The following SEM1 variants were observed in gnomAD, a reference collection of about 807,000 sequenced individuals.
The protein encoded by SEM1 is SEM1 26S proteasome subunit.
A neutral mutation model predicts 12.7 loss-of-function variants in SEM1; 3 were observed. The ratio of observed to expected loss-of-function variants is 0.24; its 90% CI spans 0.11 to 0.61. The LOEUF (loss-of-function observed/expected upper bound fraction) is 0.61. Among genes scored for constraint, SEM1 ranks in the 20% least tolerant of loss-of-function variants. The pLI is 0.88. For synonymous variants in SEM1, 30 were observed against 27.8 expected (o/e 1.08, Z -0.25); for missense variants, 59 against 81.3 (o/e 0.73, Z 1.06).
intron 2 of SEM1, 92 bp downstream of exon 2, chr7:96,694,706 T>G: frequency 1.3e-6 from 1 of 795,826 alleles, no homozygotes; most frequent in Non-Finnish European, 2.1e-6. Flanking sequence ...AAAGATTAAG[T>G]AGCTTTTAAG....
chr7:96,542,289 T>C (rs192576280), intron 2 of SEM1, among the ~76,000 whole-genome samples: 1 of 152,068 alleles, frequency 6.6e-6, no homozygotes, highest in East Asian at 1.9e-4. Context: ...AGCAGTGTTT[T>C]GTAGTTCTCC....
At position 96,509,981 on chromosome 7, in the gene SEM1, T is replaced by C. The variant is rs528109343; in HGVS notation, c.171-3283A>G. 1.3e-4 allele frequency among the ~76,000 whole-genome samples: 20 copies of C among 152,260 alleles called. No homozygotes were observed. The South Asian group carries it at 4.1e-3, about 32-fold the overall frequency. On this transcript the variant is annotated intron_variant and NMD_transcript_variant, in intron 2 of 3. Coordinates refer to the SEM1 transcript ENST00000466986. ...ATGTTCTGGGGACGGATGGTGGTGA[T>C]GGTTTCACAAAAATGTGATATACTT...
intron 1 of SEM1, among the ~76,000 whole-genome samples, chr7:96,699,708 T>C (rs923007361): frequency 6.6e-6 from 1 of 152,204 alleles, no homozygotes; most frequent in Non-Finnish European, 1.5e-5. Context: ...CTGGAAGTAA[T>C]CTGTTTCTTT....
At chr7:96,593,839 C>G (rs1171153233) in intron 2 of SEM1, among the ~76,000 whole-genome samples, 1 of 151,314 alleles carries the variant, frequency 6.6e-6, no homozygotes, top group Non-Finnish European at 1.5e-5. Context: ...TTCTACTTGC[C>G]CAGAGACAAC....
chr7:96,709,522 G>A (rs1790581468), intron 1 of SEM1, among the ~76,000 whole-genome samples, 166 bp downstream of exon 1: 1 of 152,216 alleles, frequency 6.6e-6, no homozygotes, highest in Middle Eastern at 3.4e-3. Flanking sequence ...CCCCAAACCC[G>A]AATCTGGGGC....
chr7:96,694,717 A>T (rs1790034438), intron 2 of SEM1, 81 bp downstream of exon 2: 1 of 895,352 alleles, frequency 1.1e-6, no homozygotes, highest in African/African-American at 1.7e-5. Flanking sequence ...AGCTTTTAAG[A>T]GGTTAATCAT....
At chr7:96,626,729 T>C (rs1330104955) in intron 2 of SEM1, among the ~76,000 whole-genome samples, 2 of 152,140 alleles carry the variant, frequency 1.3e-5, no homozygotes, top group Admixed American at 1.3e-4. Flanking sequence ...TCATCAGAGA[T>C]ATTGGCCTGT....
At chr7:96,635,049 A>G (rs1217680960) in intron 2 of SEM1, among the ~76,000 whole-genome samples, 1 of 152,124 alleles carries the variant, frequency 6.6e-6, no homozygotes, top group African/African-American at 2.4e-5. Context: ...TCTGGGAAAG[A>G]TGAAAGTGAC....
exon 4 of SEM1, chr7:96,481,961 G>A (rs996467892): frequency 6.6e-6 from 1 of 152,190 alleles, no homozygotes; most frequent in African/African-American, 2.4e-5. Flanking sequence ...AACCAGGAAT[G>A]TGAACAAGAA....
chr7:96,490,345 T>C (rs1218554922), intron 1 of SEM1, among the ~76,000 whole-genome samples: 4 of 152,312 alleles, frequency 2.6e-5, no homozygotes, highest in Non-Finnish European at 4.4e-5. Context: ...TAGAAAGACT[T>C]GTATTCTGTT....
chr7:96,569,052 C>A (rs1306021225), intron 2 of SEM1, among the ~76,000 whole-genome samples: 1 of 151,880 alleles, frequency 6.6e-6, no homozygotes, highest in Non-Finnish European at 1.5e-5. Flanking sequence ...CCAGTATTAG[C>A]TGTCTATTTC....
chr7:96,522,452 G>C (rs894080611), intron 2 of SEM1, among the ~76,000 whole-genome samples: 9 of 151,888 alleles, frequency 5.9e-5, no homozygotes, highest in Admixed American at 5.9e-4. Context: ...CCAGGTCATT[G>C]AGATTTACTG....
At chr7:96,649,757 T>C (rs956147724) in intron 2 of SEM1, 3 of 152,362 alleles carry the variant, frequency 2.0e-5, no homozygotes, top group Non-Finnish European at 1.5e-5. Flanking sequence ...CCTGCTCCCA[T>C]GTTCTTCCAC....
At chr7:96,497,853 G>T (rs1803353326), upstream of SEM1, among the ~76,000 whole-genome samples, 1 of 152,104 alleles carries the variant, frequency 6.6e-6, no homozygotes, top group Admixed American at 6.6e-5. Flanking sequence ...ACAGATGACG[G>T]AACTAACAGA....
chr7:96,495,910 C>A (rs1803225638), intron 1 of SEM1, among the ~76,000 whole-genome samples: 1 of 152,090 alleles, frequency 6.6e-6, no homozygotes, highest in Non-Finnish European at 1.5e-5. Context: ...ATCTCTCCCC[C>A]TCCCTTCACC....
chr7:96,677,227 A>C (rs1209066194), intron 2 of SEM1, among the ~76,000 whole-genome samples: 3 of 152,196 alleles, frequency 2.0e-5, no homozygotes, highest in African/African-American at 7.2e-5. Context: ...AGTCGTCTCT[A>C]AATGGGGAGA....
At chr7:96,599,889 C>A (rs1172176850) in intron 2 of SEM1, among the ~76,000 whole-genome samples, 5 of 151,972 alleles carry the variant, frequency 3.3e-5, no homozygotes, top group African/African-American at 9.7e-5. Flanking sequence ...ATTCTGAAAT[C>A]ATCATAAAAG....
intron 2 of SEM1, among the ~76,000 whole-genome samples, chr7:96,655,238 T>C (rs1349433657): frequency 4.6e-5 from 7 of 152,042 alleles, no homozygotes; most frequent in Admixed American, 3.9e-4. Context: ...GGCCAGGTAG[T>C]GAAGGAAGCA....
intron 2 of SEM1, among the ~76,000 whole-genome samples, chr7:96,675,408 A>AT (rs1252640031): frequency 6.6e-6 from 1 of 152,182 alleles, no homozygotes; most frequent in Non-Finnish European, 1.5e-5. Flanking sequence ...CTGGTCACTT[A>AT]AATGCCGTTA....
Sources: gnomAD v4.1 joint callset for allele counts (sites outside exome capture counted in the v4.1 genomes callset) on GRCh38, gnomAD v4.1.1 for gene constraint, MANE v1.5 for transcripts, NCBI Gene and HGNC (gene_info 2026-07-23, HGNC 2026-07-21) for gene names.